ZBTB5: variants seen among roughly 807,000 people sequenced by gnomAD.
The protein encoded by ZBTB5 is zinc finger and BTB domain-containing protein 5.
In ZBTB5, 15 loss-of-function variants were observed where a neutral mutation model predicts 37.9. That is an observed-to-expected ratio of 0.40 (90% CI 0.26 to 0.61). The LOEUF (loss-of-function observed/expected upper bound fraction) is 0.61. ZBTB5 is among the 20% of genes least tolerant of loss of function. ZBTB5 has a pLI of 0.47. For missense variants in ZBTB5, 708 were observed against 856.8 expected (o/e 0.83, Z 2.17); for synonymous variants, 315 against 312.4 (o/e 1.01, Z -0.09).
In ZBTB5 at chr9:37,449,694, C is replaced by CAA. The variant is rs60696023; in HGVS notation, c.-4-7141_-4-7140dup. 6.3e-3 allele frequency among the ~76,000 whole-genome samples: 312 copies of CAA among 49,746 alleles called. 2 individuals are homozygous for CAA. Among genetic ancestry groups the CAA allele is most frequent in the Non-Finnish European group, 8.6e-3 (188 of 21,908 alleles). 32.6% of individuals were successfully genotyped at this position (49,746 alleles called of 152,430 possible). On this transcript the variant is annotated intron_variant, in intron 1 of 1. Coordinates refer to ENST00000307750, the MANE Select transcript of ZBTB5 (RefSeq NM_014872.3). ...AGTCTGCGCGATAGTATGAGACTCT[C>CAA]AAAAAAAAAAAAAAAAAAAAAGAAT... is the stretch of plus-strand genomic sequence containing the variant.
chr9:37,459,777 C>T (rs1292292652), intron 1 of ZBTB5, among the ~76,000 whole-genome samples: 2 of 147,470 alleles, frequency 1.4e-5, no homozygotes, highest in Non-Finnish European at 1.5e-5. Context: ...GTGGTGCGAT[C>T]TCGGCTCACT....
At chr9:37,452,037 C>A (rs1344448352) in intron 1 of ZBTB5, among the ~76,000 whole-genome samples, 1 of 152,202 alleles carries the variant, frequency 6.6e-6, no homozygotes, top group East Asian at 1.9e-4. Context: ...CAACCCCTCT[C>A]ATTCTAACTT....
At chr9:37,450,635 T>C (rs1004061814) in intron 1 of ZBTB5, among the ~76,000 whole-genome samples, 1 of 152,006 alleles carries the variant, frequency 6.6e-6, no homozygotes, top group Non-Finnish European at 1.5e-5. Context: ...TCCCAGCACT[T>C]TGGGAGATCA....
At chr9:37,454,329 T>TA (rs1824151495) in intron 1 of ZBTB5, among the ~76,000 whole-genome samples, 1 of 151,554 alleles carries the variant, frequency 6.6e-6, no homozygotes, top group African/African-American at 2.4e-5. Context: ...CTGAGTAAAT[T>TA]AAGAGTTTTA....
At chr9:37,455,896 C>G (rs545366273) in intron 1 of ZBTB5, among the ~76,000 whole-genome samples, 1 of 151,816 alleles carries the variant, frequency 6.6e-6, no homozygotes, top group South Asian at 2.1e-4. Context: ...CTTTTGAACT[C>G]CAGCGCTCAA....
chr9:37,464,993 G>A (rs1316699567), intron 1 of ZBTB5, among the ~76,000 whole-genome samples: 1 of 151,274 alleles, frequency 6.6e-6, no homozygotes, highest in East Asian at 2.0e-4. Flanking sequence ...CCACCCCGCA[G>A]ACAGCCTGGC....
chr9:37,447,226 G>A (rs975103134), intron 1 of ZBTB5, among the ~76,000 whole-genome samples: 2 of 152,200 alleles, frequency 1.3e-5, no homozygotes, highest in Non-Finnish European at 2.9e-5. Context: ...GTGTGAGTGT[G>A]TGAAGGAGAA....
intron 1 of ZBTB5, among the ~76,000 whole-genome samples, chr9:37,452,205 G>A (rs751739607): frequency 1.3e-5 from 2 of 152,174 alleles, no homozygotes; most frequent in African/African-American, 2.4e-5. Flanking sequence ...GATATCTTTC[G>A]CTGTCATTAA....
At chr9:37,461,465 A>G (rs1824291865) in intron 1 of ZBTB5, among the ~76,000 whole-genome samples, 1 of 152,256 alleles carries the variant, frequency 6.6e-6, no homozygotes, top group Non-Finnish European at 1.5e-5. Context: ...AGTGGCTCTC[A>G]TGCCTGTAAT....
chr9:37,442,857 T>A (rs1431002705), intron 1 of ZBTB5, among the ~76,000 whole-genome samples: 3 of 152,214 alleles, frequency 2.0e-5, no homozygotes, highest in Admixed American at 6.5e-5. Flanking sequence ...GTGTGAGTGA[T>A]GGCATATCTA....
rs760131714 is a variant in ZBTB5 at position 37,441,531 on chromosome 9, C to A, written c.1021G>T (p.Asp341Tyr). The A allele has an allele frequency of 6.2e-7, 1 of 1,613,026 alleles. No homozygotes were observed. The highest frequency in any genetic ancestry group is 1.1e-5 in the South Asian group (1 of 91,008). ...SEPLSSPEPQ[D>Y]EVSDVTSQAE... ...TGTGAGGTCACATCGCTCACTTCAT[C>A]CTGAGGCTCAGGTGAGCTCAGGGGC... The change falls in exon 2 of 2, where the codon GAT (aspartate) becomes TAT (tyrosine). Residue 341 changes from aspartate (D) to tyrosine (Y), a missense_variant. Coordinates refer to ENST00000307750, the MANE Select transcript of ZBTB5 (RefSeq NM_014872.3).
At chr9:37,464,986 C>G (rs1231060442) in intron 1 of ZBTB5, among the ~76,000 whole-genome samples, 4 of 152,234 alleles carry the variant, frequency 2.6e-5, no homozygotes, top group African/African-American at 9.6e-5. Context: ...CCCCGCCCCA[C>G]CCCGCAGACA....
At position 37,439,483 on chromosome 9, in the gene ZBTB5, C is replaced by T. The variant is rs1588772143; in HGVS notation, c.*1035G>A. 1 of 152,128 alleles carries T rather than the reference C, an allele frequency of 6.6e-6. No homozygotes were observed. The highest frequency in any genetic ancestry group is 2.4e-5 in the African/African-American group (1 of 41,416). The allele number at this position is 152,128 out of a possible 1,614,324, so 9.4% of individuals were successfully genotyped here. On this transcript the variant is annotated 3_prime_UTR_variant, in exon 2 of 2. Coordinates refer to ENST00000307750, the MANE Select transcript of ZBTB5 (RefSeq NM_014872.3). ...GTATAGTATATAACAGTAATAAAAC[C>T]TGTGTGGGGCATTTTTGGTTAATCT... is the stretch of plus-strand genomic sequence containing the variant.
intron 1 of ZBTB5, among the ~76,000 whole-genome samples, chr9:37,452,786 A>G (rs193048140): frequency 6.6e-6 from 1 of 152,310 alleles, no homozygotes; most frequent in East Asian, 1.9e-4. Context: ...TCAATGACTA[A>G]AAGCCTCCCT....
At chr9:37,452,519 C>G (rs1824121893) in intron 1 of ZBTB5, among the ~76,000 whole-genome samples, 1 of 152,192 alleles carries the variant, frequency 6.6e-6, no homozygotes, top group Non-Finnish European at 1.5e-5. Flanking sequence ...TAGATTCATA[C>G]TGTTTTAATT....
chr9:37,461,281 A>T (rs1276934346), intron 1 of ZBTB5, among the ~76,000 whole-genome samples: 1 of 152,242 alleles, frequency 6.6e-6, no homozygotes, highest in Non-Finnish European at 1.5e-5. Flanking sequence ...AGGACTATAA[A>T]GGTGAAAGCC....
rs1365940286 is a variant in ZBTB5, at chr9:37,439,792, C to T, written c.*726G>A. On this transcript the variant is annotated 3_prime_UTR_variant, in exon 2 of 2. Transcript: ENST00000307750. Reference sequence around the variant, plus strand: ...ACTGCTCAAACAGCACATAGGGAAACAATACCTTGTCACTCTCTACAAGTA... The same window carrying T: ...ACTGCTCAAACAGCACATAGGGAAATAATACCTTGTCACTCTCTACAAGTA... 6.6e-6 allele frequency: 1 copy of T among 152,186 alleles called. No individual in the cohort carries two copies. The highest frequency in any genetic ancestry group is 2.4e-5 in the African/African-American group (1 of 41,386). The allele number at this position is 152,186 out of a possible 1,614,324, so 9.4% of individuals were successfully genotyped here.
chr9:37,445,899 G>A (rs1196850885), intron 1 of ZBTB5, among the ~76,000 whole-genome samples: 1 of 151,790 alleles, frequency 6.6e-6, no homozygotes, highest in Non-Finnish European at 1.5e-5. Context: ...TCAGGAGTTC[G>A]AGACCACCTT....
intron 1 of ZBTB5, among the ~76,000 whole-genome samples, chr9:37,464,779 G>A (rs1717730604): frequency 6.6e-6 from 1 of 152,232 alleles, no homozygotes; most frequent in South Asian, 2.1e-4. Context: ...GCTCCCGATG[G>A]CAGTCTGCCT....
Sources: gnomAD v4.1 joint callset for allele counts (sites outside exome capture counted in the v4.1 genomes callset) on GRCh38, gnomAD v4.1.1 for gene constraint, MANE v1.5 for transcripts, NCBI Gene and HGNC (gene_info 2026-07-23, HGNC 2026-07-21) for gene names.